COL10A1: variants seen among roughly 807,000 people sequenced by gnomAD.
COL10A1 encodes the protein collagen alpha-1(X) chain.
Under a neutral mutation model 18.2 loss-of-function variants are expected in COL10A1, and 10 were observed. That is an observed-to-expected ratio of 0.55 (90% CI 0.34 to 0.93). The LOEUF is 0.93. Among genes scored for constraint, COL10A1 ranks in the 40% least tolerant of loss-of-function variants. The pLI is 0.02. For synonymous variants in COL10A1, 330 were observed against 316.6 expected, an observed-to-expected ratio of 1.04 and a Z score of -0.45; for missense variants, 897 against 853.5, an observed-to-expected ratio of 1.05 and a Z score of -0.64.
At chr6:116,124,031 C>T (rs2114302600) in intron 2 of COL10A1, among the ~76,000 whole-genome samples, 1 of 151,990 alleles carries the variant, frequency 6.6e-6, no homozygotes, top group Admixed American at 6.5e-5. Context: ...GTTGCTTTGT[C>T]TTTTATTTTT....
rs1177442075 is a variant in COL10A1, at chr6:116,142,310, T to G, written c.-16+16304A>C. Among the ~76,000 whole-genome samples the G allele has an allele frequency of 1.3e-5, 2 of 152,050 alleles. 1 individual carries two copies. Among genetic ancestry groups the G allele is most frequent in the Admixed American group, 1.3e-4 (2 of 15,270 alleles). On this transcript the variant is annotated intron_variant, in intron 1 of 1. Coordinates refer to the COL10A1 transcript ENST00000418500. Reference sequence around the variant, plus strand: ...TTTTTTTTTCAATTTATTTGGCATATACTTAGGAAAATGTAGTAGAGATTT... The same window carrying G: ...TTTTTTTTTCAATTTATTTGGCATAGACTTAGGAAAATGTAGTAGAGATTT...
At position 116,120,354 on chromosome 6, in the gene COL10A1, T is replaced by C. The variant is rs1185677101; in HGVS notation, c.1762A>G (p.Ile588Val). 6.2e-7 allele frequency: 1 copy of C among 1,614,270 alleles called. No individual in the cohort carries two copies. The highest frequency in any genetic ancestry group is 1.7e-5 in the Admixed American group (1 of 60,030). Residue 588 changes from isoleucine (I) to valine (V), a missense_variant, in exon 3 of 3, where the codon ATC (isoleucine) becomes GTC (valine). Physicochemically the swap from Ile to Val is conservative, Grantham distance 29. Transcript: ENST00000651968. ...ATTCCTGGTATCTGACAAGTAAAGA[T>C]TCCAGTCCTTGGGTCATAATGCTGT... ...RQQHYDPRTG[I>V]FTCQIPGIYY...
chr6:116,214,200 G>A, the COL10A1 span, among the ~76,000 whole-genome samples: 1 of 152,002 alleles, frequency 6.6e-6, no homozygotes, highest in Non-Finnish European at 1.5e-5. Flanking sequence ...ACATGCAAGA[G>A]TATTGCTCTC....
chr6:116,148,675 A>G (rs944391382), intron 1 of COL10A1, among the ~76,000 whole-genome samples: 2 of 152,198 alleles, frequency 1.3e-5, no homozygotes, highest in African/African-American at 2.4e-5. Context: ...TAACAACGTC[A>G]TTAATAATTA....
intron 1 of COL10A1, chr6:116,145,334 G>A (rs764706352): frequency 6.6e-5 from 16 of 243,232 alleles, no homozygotes; most frequent in Non-Finnish European, 1.1e-4. Context: ...TCTGAGTTCA[G>A]TAACTCTATG....
intron 1 of COL10A1, among the ~76,000 whole-genome samples, chr6:116,156,960 G>C (rs533351990): frequency 1.6e-4 from 25 of 152,200 alleles, no homozygotes; most frequent in African/African-American, 6.0e-4. Context: ...CTGGCAAGAA[G>C]GCCTGCTGCA....
At chr6:116,146,847 T>A (rs988214304) in intron 1 of COL10A1, among the ~76,000 whole-genome samples, 1 of 151,822 alleles carries the variant, frequency 6.6e-6, no homozygotes, top group African/African-American at 2.4e-5. Context: ...GGCCTATGGA[T>A]AGCCATCTGA....
chr6:116,192,610 A>C, the COL10A1 span, among the ~76,000 whole-genome samples: 1 of 152,210 alleles, frequency 6.6e-6, no homozygotes, highest in Admixed American at 6.5e-5. Flanking sequence ...AAAGTACATT[A>C]AGGAATGTTT....
Position 116,123,630 on chromosome 6 carries a change from T to C in COL10A1, c.155-1669A>G, listed in dbSNP as rs182008845. ...TATGTAATAACTCTTTGAATTCCTG[T>C]TTCAACTTAATGTCTTACTTGTATA... On this transcript the variant is annotated intron_variant, in intron 2 of 2. Coordinates refer to ENST00000651968, the MANE Select transcript of COL10A1 (RefSeq NM_000493.4). Among the ~76,000 whole-genome samples, 399 of 152,348 alleles carry C rather than the reference T, an allele frequency of 2.6e-3. 10 individuals carry two copies. The South Asian group carries it at 0.044, about 17-fold the overall frequency.
chr6:116,200,123 C>CT, the COL10A1 span, among the ~76,000 whole-genome samples: 4 of 151,924 alleles, frequency 2.6e-5, no homozygotes, highest in East Asian at 1.9e-4. Context: ...GAGAGTGGCA[C>CT]TTTATCTCCA....
intron 1 of COL10A1, among the ~76,000 whole-genome samples, chr6:116,136,497 A>T (rs1348303030): frequency 6.6e-6 from 1 of 152,008 alleles, no homozygotes. Flanking sequence ...AATGAAGCTT[A>T]TTAAGTGGAA....
chr6:116,215,140 A>G, the COL10A1 span, among the ~76,000 whole-genome samples: 1 of 152,186 alleles, frequency 6.6e-6, no homozygotes, highest in Non-Finnish European at 1.5e-5. Context: ...ATATTAATGT[A>G]GCTCTACAAT....
At chr6:116,213,378 A>G in the COL10A1 span, among the ~76,000 whole-genome samples, 15 of 152,196 alleles carry the variant, frequency 9.9e-5, no homozygotes, top group South Asian at 2.9e-3. Context: ...CATCTCAGGT[A>G]GCCTCAGATT....
Position 116,141,485 on chromosome 6 carries a change from ACTT to A in COL10A1, c.-15-15981_-15-15979del, listed in dbSNP as rs375053757. Reference sequence around the variant, plus strand: ...AATTACTTACATTGTTCTTTTCCCAACTTTCCAGTGGGACTCCAAGTCATTGTA... The same window carrying A: ...AATTACTTACATTGTTCTTTTCCCAATCCAGTGGGACTCCAAGTCATTGTA... On this transcript the variant is annotated intron_variant, in intron 1 of 1. Transcript: ENST00000418500. Among the ~76,000 whole-genome samples, 393 of 152,028 alleles carry A rather than the reference ACTT, an allele frequency of 2.6e-3. 10 individuals are homozygous for A. In the South Asian group the frequency reaches 0.043, roughly 17 times the overall value.
chr6:116,157,926 G>A (rs1039170608), intron 1 of COL10A1, among the ~76,000 whole-genome samples: 8 of 152,126 alleles, frequency 5.3e-5, no homozygotes, highest in Non-Finnish European at 1.0e-4. Flanking sequence ...TGTCTCAAAC[G>A]TGTTACAGGA....
At chr6:116,176,927 C>T in the COL10A1 span, among the ~76,000 whole-genome samples, 1 of 151,986 alleles carries the variant, frequency 6.6e-6, no homozygotes, top group Admixed American at 6.6e-5. Flanking sequence ...TTTTTTTGCC[C>T]CGTGTAATTT....
At chr6:116,148,605 AT>A (rs1779955204) in intron 1 of COL10A1, among the ~76,000 whole-genome samples, 2 of 152,128 alleles carry the variant, frequency 1.3e-5, no homozygotes, top group South Asian at 4.1e-4. Flanking sequence ...TATTATATGT[AT>A]TTTTTTAGAA....
In COL10A1 at chr6:116,120,098, G is replaced by A. The variant is rs545858787; in HGVS notation, c.2018C>T (p.Ser673Leu). ...TCACATTGGAGCCACTAGGAATCCT[G>A]AGAAAGAGGAGTGGACATACTCAGA... The part of the protein sequence containing the change: ...YSSEYVHSSF[S>L]GFLVAPM The change falls in exon 3 of 3, where the codon TCA becomes TTA. Residue 673 changes from serine (S) to leucine (L), a missense_variant. Ser to Leu is a moderately radical substitution (Grantham distance 145, BLOSUM62 -2). Coordinates refer to ENST00000651968, the MANE Select transcript of COL10A1 (RefSeq NM_000493.4). 3.1e-6 allele frequency: 5 copies of A among 1,614,060 alleles called. No homozygotes were observed. The highest frequency in any genetic ancestry group is 2.7e-5 in the African/African-American group (2 of 75,012).
At chr6:116,191,559 A>G in the COL10A1 span, among the ~76,000 whole-genome samples, 37 of 152,202 alleles carry the variant, frequency 2.4e-4, no homozygotes, top group East Asian at 7.0e-3. Flanking sequence ...AATAAATTAT[A>G]CCTTAAAATA....
Sources: gnomAD v4.1 joint callset for allele counts (sites outside exome capture counted in the v4.1 genomes callset) on GRCh38, gnomAD v4.1.1 for gene constraint, MANE v1.5 for transcripts, NCBI Gene and HGNC (gene_info 2026-07-23, HGNC 2026-07-21) for gene names.